FGF12: variants seen among roughly 807,000 people sequenced by gnomAD.
The protein encoded by FGF12 is fibroblast growth factor 12B.
Under a neutral mutation model 23.6 loss-of-function variants are expected in FGF12, and 14 were observed. The observed-to-expected ratio is 0.59, with a 90% confidence interval of 0.39 to 0.93. The LOEUF is 0.93. Ranked by LOEUF, FGF12 falls within the 40% of genes least tolerant of loss-of-function variation. The probability of loss-of-function intolerance (pLI) is 0.00; values close to 1 mark genes in which losing one functional copy is unlikely to be tolerated. For synonymous variants in FGF12, 62 were observed against 77.3 expected (o/e 0.80, Z 1.04); for missense variants, 175 against 217.8 (o/e 0.80, Z 1.24).
rs76775700 is a variant in FGF12, at chr3:192,193,071, G to T, written c.229-22415C>A. 3.3e-3 allele frequency among the ~76,000 whole-genome samples: 504 copies of T among 152,180 alleles called. 8 individuals are homozygous for T. Among genetic ancestry groups the T allele is most frequent in the East Asian group, 0.031 (160 of 5,172 alleles). On this transcript the variant is annotated intron_variant, in intron 4 of 5. Transcript: ENST00000445105. ...TTCGATCCAGGTAGAACAGAAGTTG[G>T]GTATCAGTGGTCTGGGTTCTCAAGC...
chr3:192,434,028 C>T (rs1721940704), intron 2 of FGF12, among the ~76,000 whole-genome samples: 1 of 152,166 alleles, frequency 6.6e-6, no homozygotes, highest in African/African-American at 2.4e-5. Context: ...TTCTCCTTAG[C>T]CAGAGCCAAA....
intron 2 of FGF12, among the ~76,000 whole-genome samples, chr3:192,638,936 T>C (rs376590269): frequency 9.2e-5 from 14 of 152,330 alleles, no homozygotes; most frequent in Non-Finnish European, 2.1e-4. Context: ...CTAAAAGATG[T>C]AGAAATTCAC....
chr3:192,238,038 T>C (rs1719391901), intron 4 of FGF12: 1 of 152,238 alleles, frequency 6.6e-6, no homozygotes, highest in South Asian at 2.1e-4. Flanking sequence ...GTTTTGACTA[T>C]GGTATAAATT....
intron 3 of FGF12, among the ~76,000 whole-genome samples, chr3:192,350,551 T>C (rs977646992): frequency 5.3e-5 from 8 of 152,106 alleles, no homozygotes; most frequent in Non-Finnish European, 1.2e-4. Flanking sequence ...AAGGCTTCCC[T>C]TTTGAGTGGA....
At chr3:192,691,168 C>G (rs1343654874) in intron 2 of FGF12, among the ~76,000 whole-genome samples, 1 of 152,036 alleles carries the variant, frequency 6.6e-6, no homozygotes, top group Non-Finnish European at 1.5e-5. Flanking sequence ...ACTTGAATTA[C>G]TCTTCAGTAC....
In FGF12 at chr3:192,405,899, A is replaced by C. The variant is rs529127938; in HGVS notation, c.14-45361T>G. Among the ~76,000 whole-genome samples the C allele has an allele frequency of 5.9e-5, 9 of 152,328 alleles. No homozygotes were observed. In the South Asian group the frequency reaches 1.9e-3, roughly 32 times the overall value. On this transcript the variant is annotated intron_variant, in intron 2 of 5. Coordinates refer to ENST00000445105, the MANE Select transcript of FGF12 (RefSeq NM_004113.6). ...ACCACATGCCCATTCTTCTAAGCTA[A>C]GCTTCAGAACAAACTGAAATGGTAT...
At chr3:192,164,778 G>C (rs376938671) in intron 5 of FGF12, among the ~76,000 whole-genome samples, 3 of 152,110 alleles carry the variant, frequency 2.0e-5, no homozygotes, top group African/African-American at 7.2e-5. Flanking sequence ...GGGTTACAAA[G>C]ATGCCTTTAA....
chr3:192,528,430 G>C (rs1384171235), intron 2 of FGF12, among the ~76,000 whole-genome samples: 4 of 152,136 alleles, frequency 2.6e-5, no homozygotes, highest in Non-Finnish European at 5.9e-5. Flanking sequence ...GGCTTTGCAG[G>C]GTAGAGCCTC....
At chr3:192,357,689 T>A (rs185838431) in intron 3 of FGF12, among the ~76,000 whole-genome samples, 6 of 152,322 alleles carry the variant, frequency 3.9e-5, no homozygotes, top group Admixed American at 3.3e-4. Context: ...TCATTCTAGG[T>A]TCTAATGATG....
chr3:192,378,769 T>C (rs530854597), intron 2 of FGF12, among the ~76,000 whole-genome samples: 1 of 152,262 alleles, frequency 6.6e-6, no homozygotes, highest in East Asian at 1.9e-4. Context: ...TTTTAACTTT[T>C]ATTTTAGGTT....
chr3:192,357,248 C>A (rs1718513427), intron 3 of FGF12, among the ~76,000 whole-genome samples: 1 of 152,128 alleles, frequency 6.6e-6, no homozygotes, highest in African/African-American at 2.4e-5. Flanking sequence ...CTTTGGGAGG[C>A]CGAGGCGGGT....
intron 2 of FGF12, among the ~76,000 whole-genome samples, chr3:192,448,868 T>C (rs1003135869): frequency 1.1e-4 from 16 of 152,152 alleles, no homozygotes; most frequent in Admixed American, 2.6e-4. Context: ...GTGCAATATT[T>C]CCCAAATATA....
chr3:192,260,882 G>A (rs979533706), intron 4 of FGF12, among the ~76,000 whole-genome samples: 4 of 152,124 alleles, frequency 2.6e-5, no homozygotes, highest in Non-Finnish European at 4.4e-5. Context: ...TTTGATAGCA[G>A]AAACAGATAG....
chr3:192,139,560 A>G lies in FGF12; in HGVS notation c.*4449T>C, dbSNP rs1172482225. Reference sequence around the variant, plus strand: ...ATGGGAGTATGTTTTGGACTTTTTGAACAATTTTAAGTAAAATGAATGTCA... The same window carrying G: ...ATGGGAGTATGTTTTGGACTTTTTGGACAATTTTAAGTAAAATGAATGTCA... On this transcript the variant is annotated 3_prime_UTR_variant, in exon 6 of 6. Transcript: ENST00000445105. The G allele has an allele frequency of 6.6e-6, 1 of 152,104 alleles. No individual in the cohort carries two copies. Among genetic ancestry groups the G allele is most frequent in the Non-Finnish European group, 1.5e-5 (1 of 67,966 alleles). The allele number at this position is 152,104 out of a possible 1,614,324, so 9.4% of individuals were successfully genotyped here. A position where few individuals can be genotyped will look rare whatever the true frequency, so the allele number is the denominator to read the frequency against.
chr3:192,337,200 A>G (rs1032656761), intron 3 of FGF12, among the ~76,000 whole-genome samples: 1 of 152,122 alleles, frequency 6.6e-6, no homozygotes, highest in Non-Finnish European at 1.5e-5. Flanking sequence ...TAATATATGC[A>G]TTCTATATAT....
intron 4 of FGF12, among the ~76,000 whole-genome samples, chr3:192,304,187 A>G (rs1045607515): frequency 6.6e-6 from 1 of 152,114 alleles, no homozygotes; most frequent in Non-Finnish European, 1.5e-5. Flanking sequence ...ATTCTATAGA[A>G]CCCAAAAACA....
chr3:192,366,957 C>T (rs1719013182), intron 2 of FGF12, among the ~76,000 whole-genome samples: 1 of 152,080 alleles, frequency 6.6e-6, no homozygotes. Flanking sequence ...TTATTGTATT[C>T]AAAGACAGAA....
At chr3:192,640,531 AG>A (rs1463281180) in intron 2 of FGF12, among the ~76,000 whole-genome samples, 1 of 152,218 alleles carries the variant, frequency 6.6e-6, no homozygotes, top group Non-Finnish European at 1.5e-5. Context: ...AGCTGCTAAG[AG>A]GTCATAGAAT....
At chr3:192,283,407 C>T (rs929335603) in intron 4 of FGF12, among the ~76,000 whole-genome samples, 13 of 151,996 alleles carry the variant, frequency 8.6e-5, no homozygotes, top group African/African-American at 2.9e-4. Flanking sequence ...CTAAACTCTT[C>T]GTTAAAGGAT....
Sources: gnomAD v4.1 joint callset for allele counts (sites outside exome capture counted in the v4.1 genomes callset) on GRCh38, gnomAD v4.1.1 for gene constraint, MANE v1.5 for transcripts, NCBI Gene and HGNC (gene_info 2026-07-23, HGNC 2026-07-21) for gene names.